EVPL: variants seen among roughly 807,000 people sequenced by gnomAD.
The protein encoded by EVPL is 210 kDa cornified envelope precursor protein.
Under a neutral mutation model 129.7 loss-of-function variants are expected in EVPL, and 94 were observed. The observed-to-expected ratio is 0.72, with a 90% confidence interval of 0.61 to 0.86. EVPL has a LOEUF of 0.86. Among genes scored for constraint, EVPL ranks in the 40% least tolerant of loss-of-function variants. The pLI is 0.00. For missense variants in EVPL, 2,625 were observed against 2,721.1 expected (o/e 0.96, Z 0.79); for synonymous variants, 1,172 against 1,191.1 (o/e 0.98, Z 0.33).
At chr17:76,027,031 GCTC>G (rs1290977856) in intron 1 of EVPL, 67 bp downstream of exon 1, 1 of 959,180 alleles carries the variant, frequency 1.0e-6, no homozygotes, top group African/African-American at 1.7e-5. Flanking sequence ...CCGCCAGGTG[GCTC>G]AAGGACCTGG....
At position 76,014,439 on chromosome 17, in the gene EVPL, A is replaced by T. The variant is rs1380434999; in HGVS notation, c.2360T>A (p.Leu787Gln). 6.2e-7 allele frequency: 1 copy of T among 1,609,394 alleles called. No individual in the cohort carries two copies. Among genetic ancestry groups the T allele is most frequent in the Admixed American group, 1.7e-5 (1 of 59,348 alleles). The change falls in exon 18 of 22, where the codon CTG (leucine) becomes CAG (glutamine). Residue 787 changes from leucine (L) to glutamine (Q), a missense_variant. Leu to Gln is a moderately radical substitution (Grantham distance 113). This residue lies in a region of EVPL where 1,024 missense variants were observed against 997.5 expected (regional missense o/e 1.03). Coordinates refer to ENST00000301607, the MANE Select transcript of EVPL (RefSeq NM_001988.4). ...SDGPSQIAYK[L>Q]QAQKRLTQEI... is the part of the protein sequence containing the mutation. ...CCCCAGCCTCACCTTCTGCGCCTGC[A>T]GCTTGTAGGCGATCTGGCTGGGGCC...
chr17:76,015,748 C>G, intron 14 of EVPL, 120 bp from the exon 15 acceptor site: 4 of 1,075,514 alleles, frequency 3.7e-6, no homozygotes, highest in Non-Finnish European at 5.3e-6. Flanking sequence ...TGCTTGGGCT[C>G]AGGCCAGAGA....
At chr17:76,012,370 G>A (rs72865840) in intron 18 of EVPL, 89,999 of 344,192 alleles carry the variant, frequency 0.26, 13,020 homozygotes, top group African/African-American at 0.34. Context: ...GCGTGATCTC[G>A]GCTCACAGCA....
rs974014314 is a variant in EVPL, at chr17:76,010,389, C to T, written c.2816G>A (p.Arg939Lys). The change falls in exon 22 of 22, where the codon AGG becomes AAG. Residue 939 changes from arginine to lysine, a missense_variant. By Grantham distance (26) the Arg-to-Lys change is conservative. Around this residue, in one of 4 missense-constraint regions of EVPL, gnomAD observed 1,453 missense variants for 1,511.8 expected, o/e 0.96. Transcript: ENST00000301607. ...ARVQHELEAQ[R>K]SQLLQLRTQR... Reference sequence around the variant, plus strand: ...GGTCCTCAGCTGCAGCAGTTGGCTCCTCTGCGCCTCCAGCTCATGCTGCAC... The same window carrying T: ...GGTCCTCAGCTGCAGCAGTTGGCTCTTCTGCGCCTCCAGCTCATGCTGCAC... 1.9e-6 allele frequency: 3 copies of T among 1,614,016 alleles called. No individual in the cohort carries two copies. The highest frequency in any genetic ancestry group is 1.7e-6 in the Non-Finnish European group (2 of 1,180,032).
rs745532450 is a variant in EVPL at position 76,021,411 on chromosome 17, C to CCCGCCCCTGCCGCCCCTG, written c.1011+39_1011+56dup. 1.3e-4 allele frequency: 166 copies of CCCGCCCCTGCCGCCCCTG among 1,297,174 alleles called. 3 individuals are homozygous for CCCGCCCCTGCCGCCCCTG. The highest frequency in any genetic ancestry group is 1.0e-3 in the African/African-American group (68 of 67,206). 80.4% of individuals were successfully genotyped at this position (1,297,174 alleles called of 1,614,324 possible). On this transcript the variant is annotated intron_variant, in intron 9 of 21. Transcript: ENST00000301607. ...CTCCTGTGGGCAGGGGTGCTGTGCT[C>CCCGCCCCTGCCGCCCCTG]CCGCCCCTGCCGCCCCTGCCGCCCC...
rs1350337050 is a variant in EVPL at position 76,013,565 on chromosome 17, C to T, written c.2373+861G>A. Among the ~76,000 whole-genome samples the T allele has an allele frequency of 2.0e-5, 3 of 152,186 alleles. No homozygotes were observed. Among genetic ancestry groups the T allele is most frequent in the Non-Finnish European group, 4.4e-5 (3 of 68,034 alleles). ...CTCTTCCCAGTTGTCCCCAACAGAA[C>T]CCTGGGCATCACCGGGCCCCGTCCA... On this transcript the variant is annotated intron_variant, in intron 18 of 21. Transcript: ENST00000301607. This position sits in a 1 kb window ranked among gnomAD's most constrained non-coding sequence, Gnocchi z 4.3.
In EVPL at chr17:76,013,963, A is replaced by G. The variant is rs2066397742; in HGVS notation, c.2373+463T>C. Among the ~76,000 whole-genome samples the G allele has an allele frequency of 6.6e-6, 1 of 151,734 alleles. No homozygotes were observed. Among genetic ancestry groups the G allele is most frequent in the Non-Finnish European group, 1.5e-5 (1 of 67,906 alleles). On this transcript the variant is annotated intron_variant, in intron 18 of 21. Transcript: ENST00000301607. This position sits in a 1 kb window ranked among gnomAD's most constrained non-coding sequence, Gnocchi z 4.3. The stretch of plus-strand genomic sequence containing the variant: ...TTCCCCTGACTGCCATGCCTTCTGC[A>G]TGGGACATTTCATCCCTCCCCCGGC...
chr17:76,008,083 T>C lies in EVPL; in HGVS notation c.5122A>G (p.Ile1708Val). The change falls in exon 22 of 22, where the codon ATC becomes GTC. Residue 1708 changes from isoleucine to valine, a missense_variant. By Grantham distance (29) the Ile-to-Val change is conservative (BLOSUM62 3). Transcript: ENST00000301607. The surrounding 1 kb of genome is among the most constrained non-coding windows in gnomAD (Gnocchi z 7.4). ...SPYEAYKRGI[I>V]DRGQYLQLQE... is the part of the protein sequence containing the mutation. ...AGCTGCAAGTACTGGCCCCTGTCGA[T>C]GATGCCCCTCTTGTAGGCCTCGTAT... 9 of 1,614,122 alleles carry C rather than the reference T, an allele frequency of 5.6e-6. No individual in the cohort carries two copies. The highest frequency in any genetic ancestry group is 7.6e-6 in the Non-Finnish European group (9 of 1,180,004).
chr17:76,016,455 C>T (rs551451652), intron 14 of EVPL, among the ~76,000 whole-genome samples: 35 of 152,354 alleles, frequency 2.3e-4, no homozygotes, highest in African/African-American at 7.9e-4. Flanking sequence ...TGGACCCCAA[C>T]ACCGCTGATG....
Position 76,009,550 on chromosome 17 carries a change from C to G in EVPL, c.3655G>C (p.Glu1219Gln), listed in dbSNP as rs139861901. 7 of 1,614,012 alleles carry G rather than the reference C, an allele frequency of 4.3e-6. No individual in the cohort carries two copies. The African/African-American group carries it at 9.3e-5, about 22-fold the overall frequency. The change falls in exon 22 of 22, where the codon GAG (glutamate) becomes CAG (glutamine). Residue 1219 changes from glutamate (E) to glutamine (Q), a missense_variant. Glu to Gln is a conservative substitution (Grantham distance 29). Coordinates refer to ENST00000301607, the MANE Select transcript of EVPL (RefSeq NM_001988.4). This position sits in a 1 kb window ranked among gnomAD's most constrained non-coding sequence, Gnocchi z 5.9. ...EITRLKAKLQ[E>Q]MAGKRSGVEK... Reference sequence around the variant, plus strand: ...ACACCGCTCCTCTTGCCCGCCATCTCCTGCAGCTTGGCCTTGAGCCGAGTG... The same window carrying G: ...ACACCGCTCCTCTTGCCCGCCATCTGCTGCAGCTTGGCCTTGAGCCGAGTG...
Position 76,008,865 on chromosome 17 carries a change from T to C in EVPL, c.4340A>G (p.Gln1447Arg), listed in dbSNP as rs145148389. Residue 1447 changes from glutamine to arginine, a missense_variant, in exon 22 of 22, where the codon CAG (glutamine) becomes CGG (arginine). Gln to Arg is a conservative substitution (Grantham distance 43, BLOSUM62 1). Coordinates refer to ENST00000301607, the MANE Select transcript of EVPL (RefSeq NM_001988.4). This position sits in a 1 kb window ranked among gnomAD's most constrained non-coding sequence, Gnocchi z 7.4. ...RELRQLTLRI[Q>R]ELEKRPPTVQ... is the part of the protein sequence containing the mutation. ...CGTGGGAGGCCGCTTCTCGAGCTCCTGGATCCTCAAGGTCAGCTGCCGCAG... is the reference window on the plus strand; with the variant it reads ...CGTGGGAGGCCGCTTCTCGAGCTCCCGGATCCTCAAGGTCAGCTGCCGCAG... 6 of 1,613,932 alleles carry C rather than the reference T, an allele frequency of 3.7e-6. No homozygotes were observed. The highest frequency in any genetic ancestry group is 1.3e-5 in the African/African-American group (1 of 74,916).
Position 76,015,014 on chromosome 17 carries a change from G to C in EVPL, c.2124C>G (p.Asn708Lys). 4 of 1,596,154 alleles carry C rather than the reference G, an allele frequency of 2.5e-6. No individual in the cohort carries two copies. Among genetic ancestry groups the C allele is most frequent in the Non-Finnish European group, 3.4e-6 (4 of 1,176,780 alleles). ...GGTCTTGGCAGAACTCCTGGAAGTTGTTCTGCAGGGCAGCGCATGCGTGCT... is the reference window on the plus strand; with the variant it reads ...GGTCTTGGCAGAACTCCTGGAAGTTCTTCTGCAGGGCAGCGCATGCGTGCT... ...ASEHACAALQ[N>K]NFQEFCQDLP... The change falls in exon 17 of 22, where the codon AAC becomes AAG. Residue 708 changes from asparagine to lysine, a missense_variant. Physicochemically the swap from Asn to Lys is moderately conservative, Grantham distance 94 (BLOSUM62 0). Transcript: ENST00000301607.
chr17:76,018,580 C>T lies in EVPL; in HGVS notation c.1305G>A (p.Glu435=), dbSNP rs778995082. 5.6e-6 allele frequency: 9 copies of T among 1,605,912 alleles called. No homozygotes were observed. In the Admixed American group the frequency reaches 1.5e-4, roughly 27 times the overall value. Residue 435 remains glutamate (E), a synonymous_variant, in exon 12 of 22, where the codon GAG becomes GAA. Transcript: ENST00000301607. ...CAGTGTTATCTACCAGCTTATACCG[C>T]TCACCCTGCAGCAGCTGCACCTGGG... The part of the protein sequence containing the change: ...DSGEVQLLQG[E]RYKLVDNTDP...
Position 76,007,271 on chromosome 17 carries a change from G to A in EVPL, c.5934C>T (p.Tyr1978=), listed in dbSNP as rs770761629. The change falls in exon 22 of 22, where the codon TAC becomes TAT. Residue 1978 remains tyrosine (Y), a synonymous_variant. Coordinates refer to ENST00000301607, the MANE Select transcript of EVPL (RefSeq NM_001988.4). The surrounding 1 kb of genome is among the most constrained non-coding windows in gnomAD (Gnocchi z 8.8). ...LAQLLQDESS[Y]EKDLTDPISK... Reference sequence around the variant, plus strand: ...AGATGGGGTCTGTCAAATCCTTCTCGTAGCTGGACTCGTCCTGCAGGAGCT... The same window carrying A: ...AGATGGGGTCTGTCAAATCCTTCTCATAGCTGGACTCGTCCTGCAGGAGCT... 23 of 1,561,034 alleles carry A rather than the reference G, an allele frequency of 1.5e-5. No homozygotes were observed. The highest frequency in any genetic ancestry group is 3.5e-5 in the South Asian group (3 of 84,596).
rs139256304 is a variant in EVPL at position 76,016,458 on chromosome 17, C to T, written c.1711-830G>A. Among the ~76,000 whole-genome samples, 858 of 152,328 alleles carry T rather than the reference C, an allele frequency of 5.6e-3. 2 individuals carry two copies. The highest frequency in any genetic ancestry group is 0.02 in the African/African-American group (815 of 41,574). Reference sequence around the variant, plus strand: ...CTGGGCTTCTCCTGGACCCCAACACCGCTGATGTGGCAGATGCTATGACTT... The same window carrying T: ...CTGGGCTTCTCCTGGACCCCAACACTGCTGATGTGGCAGATGCTATGACTT... On this transcript the variant is annotated intron_variant, in intron 14 of 21. Transcript: ENST00000301607.
In EVPL at chr17:76,010,171, G is replaced by T. The variant is rs775581886; in HGVS notation, c.3034C>A (p.Pro1012Thr). 1 of 1,614,098 alleles carries T rather than the reference G, an allele frequency of 6.2e-7. No homozygotes were observed. The highest frequency in any genetic ancestry group is 1.1e-5 in the South Asian group (1 of 91,086). ...QLESKRKTMQ[P>T]HLLTKEVTQV... The stretch of plus-strand genomic sequence containing the variant: ...GTGACCTCCTTGGTCAGCAGATGAG[G>T]CTGCATGGTCTTCCTCTTGCTTTCC... Residue 1012 changes from proline to threonine, a missense_variant, in exon 22 of 22, where the codon CCT (proline) becomes ACT (threonine). Pro to Thr is a conservative substitution (Grantham distance 38). Transcript: ENST00000301607.
Position 76,013,586 on chromosome 17 carries a change from G to A in EVPL, c.2373+840C>T, listed in dbSNP as rs575020555. 1.6e-4 allele frequency among the ~76,000 whole-genome samples: 24 copies of A among 152,150 alleles called. No homozygotes were observed. The highest frequency in any genetic ancestry group is 3.9e-4 in the East Asian group (2 of 5,170). ...AGAACCCTGGGCATCACCGGGCCCC[G>A]TCCATCTCACTCACTGTCCCCTTCA... On this transcript the variant is annotated intron_variant, in intron 18 of 21. Transcript: ENST00000301607. This position sits in a 1 kb window ranked among gnomAD's most constrained non-coding sequence, Gnocchi z 4.3.
At chr17:76,021,231 T>A (rs890118689) in intron 9 of EVPL, among the ~76,000 whole-genome samples, 2 of 152,050 alleles carry the variant, frequency 1.3e-5, no homozygotes, top group Non-Finnish European at 2.9e-5. Context: ...AATTTTGGTA[T>A]TTTTAGTAGA....
intron 1 of EVPL, among the ~76,000 whole-genome samples, chr17:76,026,503 C>G (rs1180672755): frequency 1.3e-5 from 2 of 152,212 alleles, no homozygotes. Context: ...GCGTGAGCCA[C>G]GGCGCCCGGC....
Sources: allele counts gnomAD v4.1 joint callset (sites outside exome capture counted in the v4.1 genomes callset), GRCh38; gene constraint gnomAD v4.1.1; regional missense constraint gnomAD v4.1.1; non-coding constraint Gnocchi (gnomAD v3.1); transcripts MANE v1.5; gene names NCBI Gene and HGNC (gene_info 2026-07-23, HGNC 2026-07-21).